The following NAA15 variants were observed in gnomAD, a reference collection of about 807,000 sequenced individuals.
NAA15 encodes the protein N-terminal acetyltransferase.
A neutral mutation model predicts 114.0 loss-of-function variants in NAA15; 34 were observed. The observed-to-expected ratio is 0.30, with a 90% confidence interval of 0.23 to 0.40. The LOEUF is 0.40. Ranked by LOEUF, NAA15 falls within the 10% of genes least tolerant of loss-of-function variation. The pLI, the probability that NAA15 is intolerant of heterozygous loss-of-function variation, is 1.00. For synonymous variants in NAA15, 340 were observed against 338.0 expected (o/e 1.01, Z -0.06); for missense variants, 658 against 1,004.5 (o/e 0.66, Z 4.66).
At chr4:139,381,314 T>C (rs1279212801) in intron 17 of NAA15, among the ~76,000 whole-genome samples, 1 of 152,102 alleles carries the variant, frequency 6.6e-6, no homozygotes, top group Non-Finnish European at 1.5e-5. Context: ...AAGTAAAAGA[T>C]AGGTGCTTAT....
chr4:139,373,818 C>T lies in NAA15; in HGVS notation c.1948-2547C>T, dbSNP rs188478870. Among the ~76,000 whole-genome samples the T allele has an allele frequency of 3.2e-3, 490 of 152,264 alleles. 3 individuals carry two copies. Among genetic ancestry groups the T allele is most frequent in the Non-Finnish European group, 3.3e-3 (224 of 68,024 alleles). The stretch of plus-strand genomic sequence containing the variant: ...GGTTCAAGCGATTCTCCTGCCTCAG[C>T]TTCCCCAGTAGCTGGGATTACAGGC... On this transcript the variant is annotated intron_variant, in intron 15 of 19. Coordinates refer to ENST00000296543, the MANE Select transcript of NAA15 (RefSeq NM_057175.5).
chr4:139,378,747 T>C lies in NAA15; in HGVS notation c.2057-9T>C, dbSNP rs1051247542. 9 of 1,531,734 alleles carry C rather than the reference T, an allele frequency of 5.9e-6. No individual in the cohort carries two copies. The highest frequency in any genetic ancestry group is 7.9e-6 in the Non-Finnish European group (9 of 1,137,474). The allele number at this position is 1,531,734 out of a possible 1,614,324, so 94.9% of individuals were successfully genotyped here. On this transcript the variant is annotated splice_polypyrimidine_tract_variant and intron_variant, in intron 16 of 19. Transcript: ENST00000296543. ...TGATCAAAATATATCTTACTTTCTC[T>C]TTTTATAGAAAAGTTTCTTTTGATG...
intron 13 of NAA15, among the ~76,000 whole-genome samples, chr4:139,361,125 C>A (rs1288336307): frequency 6.6e-6 from 1 of 151,942 alleles, no homozygotes; most frequent in East Asian, 1.9e-4. Context: ...GTTGGTTTTT[C>A]TTTTTTGTGT....
At chr4:139,322,035 T>TA (rs1394891022) in intron 1 of NAA15, among the ~76,000 whole-genome samples, 7 of 152,190 alleles carry the variant, frequency 4.6e-5, no homozygotes, top group African/African-American at 1.4e-4. Context: ...CCTTTCTTAA[T>TA]AGAGTTTTGT....
At chr4:139,374,692 A>AAATCTGCAC (rs1224296235) in intron 15 of NAA15, among the ~76,000 whole-genome samples, 4 of 152,178 alleles carry the variant, frequency 2.6e-5, no homozygotes, top group Non-Finnish European at 5.9e-5. Flanking sequence ...GTATGAGTAA[A>AAATCTGCAC]TATAGAGTGT....
At chr4:139,317,165 C>G (rs1346542668) in intron 1 of NAA15, among the ~76,000 whole-genome samples, 1 of 151,816 alleles carries the variant, frequency 6.6e-6, no homozygotes, top group African/African-American at 2.4e-5. Flanking sequence ...CTGGACAGTT[C>G]CCATTGAAGC....
intron 3 of NAA15, among the ~76,000 whole-genome samples, chr4:139,338,417 C>T (rs1304810456): frequency 2.0e-5 from 3 of 152,030 alleles, no homozygotes; most frequent in South Asian, 2.1e-4. Flanking sequence ...TTCATGCATG[C>T]CATCCTAAAC....
chr4:139,355,278 TG>T (rs1318994363), intron 10 of NAA15, among the ~76,000 whole-genome samples: 1 of 152,208 alleles, frequency 6.6e-6, no homozygotes, highest in Non-Finnish European at 1.5e-5. Context: ...TTTTGAAGTT[TG>T]TTGGAATGAA....
At chr4:139,375,743 T>C (rs1354480641) in intron 15 of NAA15, among the ~76,000 whole-genome samples, 1 of 152,178 alleles carries the variant, frequency 6.6e-6, no homozygotes, top group African/African-American at 2.4e-5. Context: ...AGTAGCACAA[T>C]TGCATTATAC....
chr4:139,382,053 A>G lies in NAA15; in HGVS notation c.2156-2779A>G, dbSNP rs79227879. Among the ~76,000 whole-genome samples the G allele has an allele frequency of 3.2e-4, 49 of 152,126 alleles. 1 individual carries two copies. In the East Asian group the frequency reaches 8.7e-3, roughly 27 times the overall value. ...TTTACCACATTCAAAGGCTTTTTAG[A>G]GTTTTTCTCCCCTGCCCACTAGTCT... On this transcript the variant is annotated intron_variant, in intron 17 of 19. Coordinates refer to ENST00000296543, the MANE Select transcript of NAA15 (RefSeq NM_057175.5).
intron 14 of NAA15, among the ~76,000 whole-genome samples, chr4:139,366,225 A>AG (rs149726158): frequency 0.012 from 1,795 of 152,208 alleles, 12 homozygotes; most frequent in East Asian, 0.029. Context: ...AGGGTCTCTT[A>AG]GGAAGTTGTA....
rs1748074441 is a variant in NAA15 at position 139,359,739 on chromosome 4, TA to T, written c.1258-2del. 1.3e-6 allele frequency: 2 copies of T among 1,599,684 alleles called. No homozygotes were observed. Among genetic ancestry groups the T allele is most frequent in the Non-Finnish European group, 1.7e-6 (2 of 1,176,794 alleles). On this transcript the variant is annotated splice_region_variant and splice_polypyrimidine_tract_variant and intron_variant, in intron 11 of 19. Transcript: ENST00000296543. ...TGGTTTATTTTGCTTTTGTACCTTA[TA>T]AGCATGCTGGAAATATTAAAGAAGC... is the stretch of plus-strand genomic sequence containing the variant.
intron 17 of NAA15, 26 bp downstream of exon 17, chr4:139,378,880 AG>A (rs776995062): frequency 2.2e-6 from 3 of 1,376,798 alleles, no homozygotes; most frequent in Non-Finnish European, 2.0e-6. Flanking sequence ...CCATTACTTA[AG>A]TATTTGATAC....
chr4:139,325,505 C>T (rs967000264), intron 1 of NAA15, among the ~76,000 whole-genome samples: 102 of 152,146 alleles, frequency 6.7e-4, no homozygotes, highest in African/African-American at 2.1e-3. Context: ...TAAATGTTAC[C>T]GAGGAGTCTC....
At chr4:139,381,491 T>C (rs978552780) in intron 17 of NAA15, among the ~76,000 whole-genome samples, 2 of 152,110 alleles carry the variant, frequency 1.3e-5, no homozygotes, top group African/African-American at 4.8e-5. Flanking sequence ...TTTATACTTA[T>C]GTATGTCTCC....
At chr4:139,368,917 A>G (rs1748356396) in intron 14 of NAA15, among the ~76,000 whole-genome samples, 2 of 152,236 alleles carry the variant, frequency 1.3e-5, no homozygotes, top group Non-Finnish European at 1.5e-5. Flanking sequence ...TCACTATATT[A>G]TAGCATATTT....
chr4:139,350,078 A>G (rs770770290), intron 7 of NAA15, among the ~76,000 whole-genome samples: 5 of 152,196 alleles, frequency 3.3e-5, no homozygotes, highest in South Asian at 2.1e-4. Context: ...TTATAGATTT[A>G]TAGAATGGTT....
At chr4:139,354,558 T>G (rs1168078034) in intron 10 of NAA15, among the ~76,000 whole-genome samples, 1 of 152,080 alleles carries the variant, frequency 6.6e-6, no homozygotes, top group Non-Finnish European at 1.5e-5. Context: ...ATTGGCCTCT[T>G]AAAGTGTTGA....
rs1030430892 is a variant in NAA15 at position 139,388,256 on chromosome 4, C to T, written c.*172C>T. ...TGCTGAAAAAGTATATATAAAATAT[C>T]TAACATTACAGGATAGAGGTTCAGT... On this transcript the variant is annotated 3_prime_UTR_variant, in exon 20 of 20. Transcript: ENST00000296543. The T allele has an allele frequency of 5.6e-6, 3 of 536,484 alleles. No homozygotes were observed. The highest frequency in any genetic ancestry group is 9.7e-6 in the Non-Finnish European group (3 of 310,260). 33.2% of individuals were successfully genotyped at this position (536,484 alleles called of 1,614,324 possible).
Sources: allele counts gnomAD v4.1 joint callset (sites outside exome capture counted in the v4.1 genomes callset), GRCh38; gene constraint gnomAD v4.1.1; transcripts MANE v1.5; gene names NCBI Gene and HGNC (gene_info 2026-07-23, HGNC 2026-07-21).